Variants in ULK4 observed in about 807,000 individuals in gnomAD.
The protein encoded by ULK4 is inactive serine/threonine-protein kinase ULK4.
ULK4 carries 133 observed loss-of-function variants against 160.6 expected under a neutral mutation model. The ratio of observed to expected loss-of-function variants is 0.83; its 90% confidence interval spans 0.72 to 0.96. ULK4 has a LOEUF of 0.96. Ranked by LOEUF, ULK4 falls within the 40% of genes least tolerant of loss-of-function variation. ULK4 has a pLI of 0.00. For synonymous variants in ULK4, 534 were observed against 539.8 expected (o/e 0.99, Z 0.15); for missense variants, 1,580 against 1,499.5 (o/e 1.05, Z -0.89).
In ULK4 at chr3:41,492,511, T is replaced by C. The variant is rs1284370697; in HGVS notation, c.3227-29258A>G. The stretch of plus-strand genomic sequence containing the variant: ...AAGACCATTGAGACTAGGAAGAAAC[T>C]GCATCAACTAACAAGCAAAATAACC... On this transcript the variant is annotated intron_variant, in intron 32 of 36. Transcript: ENST00000301831. Among the ~76,000 whole-genome samples the C allele has an allele frequency of 3.3e-5, 5 of 149,516 alleles. No individual in the cohort carries two copies. In the South Asian group the frequency reaches 1.1e-3, roughly 32 times the overall value.
At chr3:41,485,332 G>A (rs1453024771) in intron 32 of ULK4, among the ~76,000 whole-genome samples, 3 of 152,194 alleles carry the variant, frequency 2.0e-5, no homozygotes, top group African/African-American at 7.2e-5. Flanking sequence ...GTTTAAAAAG[G>A]TGTGATTGGG....
At chr3:41,532,915 C>T (rs907631477) in intron 32 of ULK4, among the ~76,000 whole-genome samples, 2 of 152,140 alleles carry the variant, frequency 1.3e-5, no homozygotes, top group African/African-American at 4.8e-5. Context: ...TCTCTTTCTC[C>T]ACCCCTTGAA....
intron 27 of ULK4, among the ~76,000 whole-genome samples, chr3:41,691,776 G>A (rs1468927554): frequency 6.6e-6 from 1 of 151,702 alleles, no homozygotes; most frequent in Non-Finnish European, 1.5e-5. Flanking sequence ...GATGTTTGGA[G>A]AGTGCAGTCT....
In ULK4 at chr3:41,599,899, T is replaced by A. The variant is rs140426404; in HGVS notation, c.3120+15770A>T. Among the ~76,000 whole-genome samples the A allele has an allele frequency of 1.6e-3, 240 of 152,260 alleles. 1 individual carries two copies. Among genetic ancestry groups the A allele is most frequent in the African/African-American group, 5.6e-3 (233 of 41,562 alleles). On this transcript the variant is annotated intron_variant, in intron 31 of 36. Transcript: ENST00000301831. ...TTTTCAAAATGAGAAAGTTACTGAA[T>A]AATAGCTTAATATCTACAAAACTAA...
At chr3:41,450,543 G>GA (rs1042029442) in intron 34 of ULK4, among the ~76,000 whole-genome samples, 14 of 152,094 alleles carry the variant, frequency 9.2e-5, no homozygotes, top group Admixed American at 3.9e-4. Flanking sequence ...ACCATATCTG[G>GA]AAAAAACCTC....
chr3:41,489,981 A>T (rs1191617343), intron 32 of ULK4, among the ~76,000 whole-genome samples: 1 of 152,236 alleles, frequency 6.6e-6, no homozygotes, highest in Non-Finnish European at 1.5e-5. Flanking sequence ...GTCAAAAGGC[A>T]TAATGACTTT....
intron 27 of ULK4, among the ~76,000 whole-genome samples, chr3:41,694,161 T>C (rs2036406338): frequency 1.3e-5 from 2 of 152,120 alleles, no homozygotes. Flanking sequence ...GACACACAAA[T>C]ACAGAACGGG....
At chr3:41,800,357 A>C (rs1421354360) in intron 19 of ULK4, 64 bp from the exon 20 acceptor site, 1 of 1,489,866 alleles carries the variant, frequency 6.7e-7, no homozygotes, top group Non-Finnish European at 9.2e-7. Flanking sequence ...TTTCTTTATG[A>C]CCATTGTAAA....
chr3:41,603,869 C>T (rs1016734877), intron 31 of ULK4, among the ~76,000 whole-genome samples: 3 of 151,976 alleles, frequency 2.0e-5, no homozygotes, highest in South Asian at 4.2e-4. Flanking sequence ...TTTTTAAAAT[C>T]CTTTAATATG....
chr3:41,332,168 G>C (rs2080456079), intron 35 of ULK4, among the ~76,000 whole-genome samples: 1 of 151,300 alleles, frequency 6.6e-6, no homozygotes, highest in Non-Finnish European at 1.5e-5. Context: ...GCAGGATAGG[G>C]TTGATTGCTC....
At position 41,756,954 on chromosome 3, in the gene ULK4, G is replaced by GT; in HGVS notation, c.2194-2467dup. Reference sequence around the variant, plus strand: ...ATTTCAATCTCAGACTGGGGAAAATGTTCGTAAATAATTAGAAAGAACAAA... The same window carrying GT: ...ATTTCAATCTCAGACTGGGGAAAATGTTTCGTAAATAATTAGAAAGAACAAA... On this transcript the variant is annotated intron_variant, in intron 21 of 36. Transcript: ENST00000301831. Among the ~76,000 whole-genome samples, 5 of 152,218 alleles carry GT rather than the reference G, an allele frequency of 3.3e-5. No homozygotes were observed. In the East Asian group the frequency reaches 9.7e-4, roughly 29 times the overall value.
chr3:41,387,955 T>G (rs1455439921), intron 35 of ULK4, among the ~76,000 whole-genome samples: 1 of 152,214 alleles, frequency 6.6e-6, no homozygotes, highest in Non-Finnish European at 1.5e-5. Flanking sequence ...CCACACTGAC[T>G]TCCACAATGG....
rs188303380 is a variant in ULK4, at chr3:41,845,871, A to G, written c.1657-9900T>C. 2.6e-5 allele frequency among the ~76,000 whole-genome samples: 4 copies of G among 152,304 alleles called. No homozygotes were observed. In the East Asian group the frequency reaches 7.7e-4, roughly 29 times the overall value. On this transcript the variant is annotated intron_variant, in intron 17 of 36. Coordinates refer to ENST00000301831, the MANE Select transcript of ULK4 (RefSeq NM_017886.4). ...AAAAAGTTTAATTTAAAAAACTGTC[A>G]ACCTCATATTAAATTCAAAACCCAG...
intron 35 of ULK4, among the ~76,000 whole-genome samples, chr3:41,364,284 G>A (rs2081208045): frequency 6.6e-6 from 1 of 152,030 alleles, no homozygotes; most frequent in South Asian, 2.1e-4. Context: ...CTATCCGGAA[G>A]GGCTCACTCA....
intron 21 of ULK4, among the ~76,000 whole-genome samples, chr3:41,781,354 T>C (rs1363297606): frequency 3.3e-5 from 5 of 150,928 alleles, no homozygotes; most frequent in African/African-American, 1.2e-4. Context: ...GAGGCGGAGC[T>C]TGCAGTGAGC....
At chr3:41,353,565 G>A (rs952988544) in intron 35 of ULK4, among the ~76,000 whole-genome samples, 6 of 152,090 alleles carry the variant, frequency 3.9e-5, no homozygotes, top group African/African-American at 1.4e-4. Context: ...CTCCTCAGTA[G>A]GATGAGGCAG....
intron 32 of ULK4, among the ~76,000 whole-genome samples, chr3:41,489,814 TTACTA>T (rs2084682547): frequency 6.6e-6 from 1 of 152,124 alleles, no homozygotes. Context: ...AAAAGTCTAG[TTACTA>T]GATTTTAAAC....
intron 35 of ULK4, among the ~76,000 whole-genome samples, chr3:41,377,378 C>A (rs559658920): frequency 0.012 from 1,762 of 151,214 alleles, 27 homozygotes; most frequent in African/African-American, 0.04. Flanking sequence ...CAAATGGGAT[C>A]TAATTAAACT....
chr3:41,650,121 T>G (rs1259363217), intron 30 of ULK4, among the ~76,000 whole-genome samples: 4 of 152,076 alleles, frequency 2.6e-5, no homozygotes, highest in Admixed American at 6.5e-5. Context: ...AACCTGCCTG[T>G]GGAGAGGAGC....
Sources: gnomAD v4.1 joint callset for allele counts (sites outside exome capture counted in the v4.1 genomes callset) on GRCh38, gnomAD v4.1.1 for gene constraint, MANE v1.5 for transcripts, NCBI Gene and HGNC (gene_info 2026-07-23, HGNC 2026-07-21) for gene names.